Variants in DLG2 observed in about 807,000 individuals in gnomAD.
The protein encoded by DLG2 is disks large homolog 2.
A neutral mutation model predicts 132.5 loss-of-function variants in DLG2; 45 were observed. The ratio of observed to expected loss-of-function variants is 0.34; its 90% CI spans 0.27 to 0.44. The LOEUF (loss-of-function observed/expected upper bound fraction) is 0.44, where lower values mean the gene tolerates loss of function less well. Among genes scored for constraint, DLG2 ranks in the 20% least tolerant of loss-of-function variants. The pLI is 1.00. For missense variants in DLG2, 1,045 were observed against 1,196.9 expected, an observed-to-expected ratio of 0.87 and a Z score of 1.87; for synonymous variants, 424 against 419.6, an observed-to-expected ratio of 1.01 and a Z score of -0.13.
At chr11:84,243,096 C>A (rs978870640) in intron 8 of DLG2, among the ~76,000 whole-genome samples, 3 of 148,510 alleles carry the variant, frequency 2.0e-5, no homozygotes, top group Non-Finnish European at 3.0e-5. Context: ...AAATTAGCTC[C>A]CTTATCTCTT....
At chr11:83,757,752 T>A (rs1368427734) in intron 18 of DLG2, among the ~76,000 whole-genome samples, 2 of 152,164 alleles carry the variant, frequency 1.3e-5, no homozygotes, top group Admixed American at 6.5e-5. Context: ...TACACACTCA[T>A]ACATGCACAT....
At chr11:85,317,574 C>T (rs774234683) in intron 3 of DLG2, among the ~76,000 whole-genome samples, 12 of 152,006 alleles carry the variant, frequency 7.9e-5, no homozygotes, top group Middle Eastern at 3.4e-3. Flanking sequence ...GTGCTGGATG[C>T]TATGAGAATA....
chr11:85,417,662 T>G (rs559807503), intron 3 of DLG2, among the ~76,000 whole-genome samples: 22 of 152,356 alleles, frequency 1.4e-4, no homozygotes, highest in African/African-American at 5.0e-4. Flanking sequence ...TTCTTCTTGC[T>G]TTAGTCTTGT....
chr11:84,615,818 T>TAAAAAAAAACAAAAAAAAAAAAAAA (rs2099603027), intron 6 of DLG2, among the ~76,000 whole-genome samples: 1 of 67,640 alleles, frequency 1.5e-5, no homozygotes, highest in African/African-American at 6.1e-5. Flanking sequence ...ACAAAAACGG[T>TAAAAAAAAACAAAAAAAAAAAAAAA]AAAAAAAAAA....
At chr11:84,845,649 C>T (rs1157225626) in intron 6 of DLG2, among the ~76,000 whole-genome samples, 1 of 150,740 alleles carries the variant, frequency 6.6e-6, no homozygotes, top group Non-Finnish European at 1.5e-5. Flanking sequence ...CCTATTGAAA[C>T]ACTTCCTTCA....
intron 11 of DLG2, among the ~76,000 whole-genome samples, chr11:83,981,811 C>T (rs1252599383): frequency 2.6e-5 from 4 of 152,082 alleles, no homozygotes; most frequent in East Asian, 1.9e-4. Context: ...TTAAACATGG[C>T]GATTGTCTCT....
At chr11:83,706,019 C>A (rs1425656500) in intron 18 of DLG2, among the ~76,000 whole-genome samples, 3 of 152,082 alleles carry the variant, frequency 2.0e-5, no homozygotes, top group Non-Finnish European at 2.9e-5. Flanking sequence ...GAGATTGAGA[C>A]CATCCTGGCC....
intron 4 of DLG2, among the ~76,000 whole-genome samples, chr11:85,168,745 G>T (rs1027091785): frequency 7.9e-5 from 12 of 152,068 alleles, no homozygotes; most frequent in African/African-American, 2.4e-4. Context: ...AAAATATCAT[G>T]TACCTTTCAC....
intron 7 of DLG2, among the ~76,000 whole-genome samples, chr11:84,331,441 C>CAAAA (rs71465960): frequency 2.5e-5 from 3 of 119,762 alleles, no homozygotes; most frequent in East Asian, 2.4e-4. Context: ...TTACTTATCT[C>CAAAA]AAAAAAAAAA....
intron 5 of DLG2, among the ~76,000 whole-genome samples, chr11:85,123,557 T>C (rs1252597616): frequency 6.6e-6 from 1 of 152,202 alleles, no homozygotes; most frequent in Non-Finnish European, 1.5e-5. Context: ...GATAGTGGCA[T>C]ACAAAGAAAT....
At chr11:85,267,159 T>C (rs188086906) in intron 4 of DLG2, among the ~76,000 whole-genome samples, 93 of 152,330 alleles carry the variant, frequency 6.1e-4, no homozygotes, top group African/African-American at 2.2e-3. Context: ...TAATCATGAA[T>C]AGGATAAGTA....
chr11:85,103,406 A>G (rs950838355), intron 6 of DLG2, among the ~76,000 whole-genome samples: 6 of 151,996 alleles, frequency 3.9e-5, no homozygotes, highest in African/African-American at 1.4e-4. Context: ...AAGGATACAC[A>G]TAAAGATTAT....
intron 3 of DLG2, among the ~76,000 whole-genome samples, chr11:85,450,068 A>G (rs2092178775): frequency 6.6e-6 from 1 of 152,112 alleles, no homozygotes; most frequent in Non-Finnish European, 1.5e-5. Flanking sequence ...CAGAGGTTGC[A>G]TGGTGAGCCA....
intron 18 of DLG2, among the ~76,000 whole-genome samples, chr11:83,675,353 C>T (rs145375723): frequency 6.6e-6 from 1 of 152,296 alleles, no homozygotes; most frequent in African/African-American, 2.4e-5. Flanking sequence ...TTAGCAAACA[C>T]ATGTACAAAA....
chr11:83,920,809 T>C (rs1235094395), intron 15 of DLG2, among the ~76,000 whole-genome samples: 1 of 152,118 alleles, frequency 6.6e-6, no homozygotes, highest in African/African-American at 2.4e-5. Context: ...AAATTCAAAC[T>C]CTAATATTTT....
chr11:84,698,270 A>T (rs1422425866), intron 6 of DLG2, among the ~76,000 whole-genome samples: 1 of 151,554 alleles, frequency 6.6e-6, no homozygotes, highest in Non-Finnish European at 1.5e-5. Context: ...TTTCACATAC[A>T]AAATTATCTC....
At chr11:85,215,461 A>T (rs2082524527) in intron 4 of DLG2, among the ~76,000 whole-genome samples, 1 of 152,146 alleles carries the variant, frequency 6.6e-6, no homozygotes, top group Non-Finnish European at 1.5e-5. Context: ...TTCCACTTTG[A>T]CCTAAGGATT....
intron 19 of DLG2, among the ~76,000 whole-genome samples, chr11:83,608,370 G>A (rs1278321993): frequency 6.7e-6 from 1 of 148,516 alleles, no homozygotes; most frequent in African/African-American, 2.5e-5. Context: ...TTTTTTTTTA[G>A]ATTTTGAAAT....
At chr11:84,237,164 G>A (rs934995070) in intron 8 of DLG2, among the ~76,000 whole-genome samples, 5 of 152,014 alleles carry the variant, frequency 3.3e-5, no homozygotes, top group Admixed American at 1.3e-4. Flanking sequence ...TCCTGACCTC[G>A]TGATTCGCCT....
Sources: allele counts gnomAD v4.1 joint callset (sites outside exome capture counted in the v4.1 genomes callset), GRCh38; gene constraint gnomAD v4.1.1; transcripts MANE v1.5; gene names NCBI Gene and HGNC (gene_info 2026-07-23, HGNC 2026-07-21).